CHIC2: variants seen among roughly 807,000 people sequenced by gnomAD.
CHIC2 encodes cysteine rich hydrophobic domain 2, also known as cysteine-rich hydrophobic domain-containing protein 2.
CHIC2 carries 14 observed loss-of-function variants against 25.9 expected under a neutral mutation model. The observed-to-expected ratio is 0.54, with a 90% CI of 0.36 to 0.85. The LOEUF (loss-of-function observed/expected upper bound fraction) is 0.85. Among genes scored for constraint, CHIC2 ranks in the 40% least tolerant of loss-of-function variants. The pLI, the probability that CHIC2 is intolerant of heterozygous loss-of-function variation, is 0.01. For missense variants in CHIC2, 146 were observed against 202.0 expected, an observed-to-expected ratio of 0.72 and a Z score of 1.68; for synonymous variants, 70 against 72.0, an observed-to-expected ratio of 0.97 and a Z score of 0.14.
At chr4:54,080,961 TATATATATATATATATATATATATAA>T in the CHIC2 span, among the ~76,000 whole-genome samples, 1 of 126,182 alleles carries the variant, frequency 7.9e-6, no homozygotes, top group African/African-American at 3.8e-5. Flanking sequence ...TATATATATA[TATATATATATATATATATATATATAA>T]AATCATCACA....
At chr4:54,063,747 C>G (rs1287225987) in intron 1 of CHIC2, among the ~76,000 whole-genome samples, 1 of 152,236 alleles carries the variant, frequency 6.6e-6, no homozygotes, top group Non-Finnish European at 1.5e-5. Context: ...CGGAGCTTCG[C>G]TGCCAATTGT....
chr4:54,065,019 G>A (rs1020181984), upstream of CHIC2, among the ~76,000 whole-genome samples: 1 of 152,264 alleles, frequency 6.6e-6, no homozygotes, highest in Non-Finnish European at 1.5e-5. Flanking sequence ...TTTTGTGCGT[G>A]TCATTGCCAG....
At chr4:54,073,779 C>G in the CHIC2 span, among the ~76,000 whole-genome samples, 36 of 152,312 alleles carry the variant, frequency 2.4e-4, no homozygotes, top group African/African-American at 8.7e-4. Context: ...GAAAGAGGGA[C>G]TTAGCCCTTT....
At position 54,033,919 on chromosome 4, in the gene CHIC2, T is replaced by C. The variant is rs578179628; in HGVS notation, c.330+15036A>G. Among the ~76,000 whole-genome samples the C allele has an allele frequency of 2.6e-5, 4 of 152,284 alleles. No individual in the cohort carries two copies. In the East Asian group the frequency reaches 5.8e-4, roughly 22 times the overall value. ...TGAGTATTGTAGCTTTATAATTATG[T>C]CTTGAAATTGGGTAGCGTTGGTTCT... On this transcript the variant is annotated intron_variant, in intron 3 of 5. Coordinates refer to ENST00000263921, the MANE Select transcript of CHIC2 (RefSeq NM_012110.4).
intron 3 of CHIC2, among the ~76,000 whole-genome samples, chr4:54,014,686 A>C (rs574732619): frequency 6.6e-6 from 1 of 152,312 alleles, no homozygotes; most frequent in South Asian, 2.1e-4. Context: ...AAACCAACAT[A>C]AAAGTGTCAT....
At chr4:54,064,764 G>A, upstream of CHIC2, 1 of 547,772 alleles carries the variant, frequency 1.8e-6, no homozygotes, top group Middle Eastern at 9.1e-4. This position sits in a 1 kb window ranked among gnomAD's most constrained non-coding sequence, Gnocchi z 4.2. Context: ...CGCGCTCCCA[G>A]GCCACCGTCT....
chr4:54,039,845 C>T (rs1560390385), intron 3 of CHIC2, among the ~76,000 whole-genome samples: 1 of 152,006 alleles, frequency 6.6e-6, no homozygotes, highest in Non-Finnish European at 1.5e-5. Context: ...CAATGGAATA[C>T]TACTCAACAA....
intron 3 of CHIC2, among the ~76,000 whole-genome samples, chr4:54,043,082 G>C (rs941134777): frequency 1.3e-5 from 2 of 152,058 alleles, no homozygotes; most frequent in African/African-American, 2.4e-5. Context: ...AGGCCAAGGA[G>C]GGCAGACTGC....
chr4:54,090,069 A>G, the CHIC2 span, among the ~76,000 whole-genome samples: 1 of 152,238 alleles, frequency 6.6e-6, no homozygotes, highest in South Asian at 2.1e-4. Context: ...CTCATTATAT[A>G]CATGCAAATG....
intron 5 of CHIC2, among the ~76,000 whole-genome samples, chr4:54,013,461 T>C (rs906133537): frequency 2.6e-5 from 4 of 152,100 alleles, no homozygotes; most frequent in Admixed American, 6.6e-5. Context: ...CTGAAAGGTT[T>C]TCTTCCATAC....
intron 3 of CHIC2, among the ~76,000 whole-genome samples, chr4:54,046,644 T>C (rs1284054233): frequency 1.3e-5 from 2 of 152,120 alleles, no homozygotes; most frequent in Non-Finnish European, 2.9e-5. Flanking sequence ...ATACAAAAAT[T>C]GATTCAAGAT....
At chr4:54,069,654 A>G in the CHIC2 span, among the ~76,000 whole-genome samples, 3 of 152,332 alleles carry the variant, frequency 2.0e-5, no homozygotes, top group East Asian at 5.8e-4. Flanking sequence ...CTGCCAGCCT[A>G]CAGTCAACTC....
chr4:54,072,803 T>A, the CHIC2 span, among the ~76,000 whole-genome samples: 1 of 152,238 alleles, frequency 6.6e-6, no homozygotes, highest in Non-Finnish European at 1.5e-5. Flanking sequence ...CTGGGCGTGG[T>A]GGCTCATGCC....
chr4:54,046,666 T>C (rs1716829837), intron 3 of CHIC2, among the ~76,000 whole-genome samples: 1 of 152,214 alleles, frequency 6.6e-6, no homozygotes, highest in African/African-American at 2.4e-5. Flanking sequence ...GATTAAAGAC[T>C]TACATGTTAG....
At chr4:54,025,623 C>T (rs1577967487) in intron 3 of CHIC2, among the ~76,000 whole-genome samples, 1 of 152,032 alleles carries the variant, frequency 6.6e-6, no homozygotes, top group African/African-American at 2.4e-5. Flanking sequence ...CTTTGGGATA[C>T]CGAGAAGGGC....
chr4:54,016,131 T>C (rs981286825), intron 3 of CHIC2, among the ~76,000 whole-genome samples: 1 of 152,172 alleles, frequency 6.6e-6, no homozygotes, highest in Non-Finnish European at 1.5e-5. Context: ...GGGTGGATGA[T>C]GAAAGAACTA....
intron 3 of CHIC2, among the ~76,000 whole-genome samples, chr4:54,034,630 C>T (rs1716330355): frequency 6.6e-6 from 1 of 151,978 alleles, no homozygotes; most frequent in African/African-American, 2.4e-5. Flanking sequence ...TTGCTAAACT[C>T]ACCTGTTAGT....
intron 3 of CHIC2, among the ~76,000 whole-genome samples, chr4:54,036,600 G>C (rs554656264): frequency 6.6e-6 from 1 of 152,206 alleles, no homozygotes; most frequent in South Asian, 2.1e-4. Flanking sequence ...CAACACTGGG[G>C]ATTACATTTC....
At chr4:54,059,789 C>A (rs1000079231) in intron 1 of CHIC2, 2 of 152,008 alleles carry the variant, frequency 1.3e-5, no homozygotes, top group Non-Finnish European at 2.9e-5. Context: ...TTACTTCATT[C>A]ATTTAGAAAA....
Sources: gnomAD v4.1 joint callset for allele counts (sites outside exome capture counted in the v4.1 genomes callset) on GRCh38, gnomAD v4.1.1 for gene constraint, Gnocchi (gnomAD v3.1) non-coding constraint, MANE v1.5 for transcripts, NCBI Gene and HGNC (gene_info 2026-07-23, HGNC 2026-07-21) for gene names.